Variants in PLEKHG1 observed in about 807,000 individuals in gnomAD.
PLEKHG1 encodes the protein pleckstrin homology and RhoGEF domain containing G1, also known as pleckstrin homology domain-containing family G member 1.
A neutral mutation model predicts 100.8 loss-of-function variants in PLEKHG1; 44 were observed. The observed-to-expected ratio is 0.44, with a 90% CI of 0.34 to 0.56. PLEKHG1 has a LOEUF of 0.56. PLEKHG1 is among the 20% of genes least tolerant of loss of function. The probability of loss-of-function intolerance (pLI) is 0.01; values close to 1 mark genes in which losing one functional copy is unlikely to be tolerated. For synonymous variants in PLEKHG1, 640 were observed against 662.5 expected (o/e 0.97, Z 0.52); for missense variants, 1,545 against 1,720.9 (o/e 0.90, Z 1.81).
chr6:150,800,592 C>CT, intron 5 of PLEKHG1, 127 bp from the exon 7 acceptor site: 2 of 840,970 alleles, frequency 2.4e-6, no homozygotes. Flanking sequence ...TAAAGGCATG[C>CT]TGATCTGACC....
chr6:150,687,582 G>A (rs1780182788), intron 3 of PLEKHG1, among the ~76,000 whole-genome samples: 2 of 152,104 alleles, frequency 1.3e-5, no homozygotes, highest in Admixed American at 6.5e-5. Context: ...GTTCTCTTCT[G>A]TCTGGACCTT....
chr6:150,840,701 G>C (rs764338959), exon 16 of PLEKHG1: 1 of 1,614,162 alleles, frequency 6.2e-7, no homozygotes, highest in South Asian at 1.1e-5. Flanking sequence ...GCAACACATT[G>C]CATTCTTTGA....
intron 10 of PLEKHG1, among the ~76,000 whole-genome samples, 172 bp downstream of exon 11, chr6:150,809,906 G>A (rs79240764): frequency 4.5e-4 from 47 of 104,878 alleles, no homozygotes; most frequent in Non-Finnish European, 7.5e-4. Flanking sequence ...AAAAAAAAAA[G>A]AGTTTAGAAT....
At chr6:150,671,687 AG>A (rs1416670407) in intron 3 of PLEKHG1, among the ~76,000 whole-genome samples, 2 of 152,240 alleles carry the variant, frequency 1.3e-5, no homozygotes, top group Non-Finnish European at 2.9e-5. Flanking sequence ...AATTGTGGTC[AG>A]TGCTATGAAT....
intron 1 of PLEKHG1, among the ~76,000 whole-genome samples, chr6:150,623,425 C>T (rs73002188): frequency 0.075 from 11,431 of 152,244 alleles, 535 homozygotes; most frequent in Non-Finnish European, 0.1. Context: ...TAACAAATGT[C>T]GCATGCCTTT....
At chr6:150,691,948 T>A (rs1780361537) in intron 3 of PLEKHG1, among the ~76,000 whole-genome samples, 1 of 152,258 alleles carries the variant, frequency 6.6e-6, no homozygotes, top group Non-Finnish European at 1.5e-5. Context: ...CAGCCTAGGC[T>A]TGAAGGAACA....
intron 1 of PLEKHG1, among the ~76,000 whole-genome samples, chr6:150,637,390 G>GT (rs1011910142): frequency 2.3e-3 from 330 of 144,550 alleles, no homozygotes; most frequent in East Asian, 3.0e-3. Flanking sequence ...TTGTTTTTGG[G>GT]TTTTTTTTTT....
intron 1 of PLEKHG1, among the ~76,000 whole-genome samples, chr6:150,632,096 G>A (rs1355945159): frequency 6.6e-6 from 1 of 152,148 alleles, no homozygotes; most frequent in Non-Finnish European, 1.5e-5. Context: ...GTAGCAAAAG[G>A]TCAACAGTTT....
At chr6:150,797,641 C>T (rs1159383828) in intron 5 of PLEKHG1, among the ~76,000 whole-genome samples, 1 of 151,722 alleles carries the variant, frequency 6.6e-6, no homozygotes, top group Non-Finnish European at 1.5e-5. Context: ...TTGAGACCAA[C>T]CCGGGCAATA....
intron 1 of PLEKHG1, among the ~76,000 whole-genome samples, chr6:150,614,013 T>C (rs1341686084): frequency 6.6e-6 from 1 of 152,184 alleles, no homozygotes; most frequent in East Asian, 1.9e-4. Flanking sequence ...ACACCTGAAA[T>C]GTATAATAGG....
At chr6:150,642,843 C>T (rs749744723) in intron 2 of PLEKHG1, among the ~76,000 whole-genome samples, 18 of 152,206 alleles carry the variant, frequency 1.2e-4, no homozygotes, top group Non-Finnish European at 2.1e-4. Context: ...CCTTCAAGAA[C>T]CTGATGTCTT....
intron 7 of PLEKHG1, among the ~76,000 whole-genome samples, chr6:150,807,851 C>T (rs1787228157): frequency 6.6e-6 from 1 of 152,146 alleles, no homozygotes. Flanking sequence ...TGCCTATAAT[C>T]CCAGCTACTT....
At chr6:150,670,796 A>G (rs1250515701) in intron 3 of PLEKHG1, among the ~76,000 whole-genome samples, 6 of 152,122 alleles carry the variant, frequency 3.9e-5, no homozygotes, top group African/African-American at 1.2e-4. Context: ...TGTTGTTGTT[A>G]TATGAGTAAG....
rs1777449136 is a variant in PLEKHG1, at chr6:150,840,191, GC to G, written c.3456del (p.Asn1153ThrfsTer36). 1 of 1,614,088 alleles carries G rather than the reference GC, an allele frequency of 6.2e-7. No homozygotes were observed. Among genetic ancestry groups the G allele is most frequent in the Admixed American group, 1.7e-5 (1 of 60,002 alleles). On this transcript the variant is annotated frameshift_variant, in exon 16 of 16. Transcript: ENST00000358517. LOFTEE classifies it low-confidence loss of function (END_TRUNC). ...AGAGATGCAGCGTGGTAGTAAGTCA[GC>G]CCAACAAAGAGAACTGGTGTCAGGA...
intron 14 of PLEKHG1, chr6:150,828,404 T>C (rs1776734443): frequency 6.4e-7 from 1 of 1,569,376 alleles, no homozygotes; most frequent in African/African-American, 1.4e-5. Context: ...TGCTATCCCA[T>C]GCCGAACTTT....
At chr6:150,797,773 TG>T (rs1418562485) in intron 5 of PLEKHG1, among the ~76,000 whole-genome samples, 2 of 128,670 alleles carry the variant, frequency 1.6e-5, no homozygotes, top group Non-Finnish European at 3.1e-5. Context: ...AGGCGGAGGT[TG>T]CAGTGAACTG....
At chr6:150,622,546 C>T (rs985064867) in intron 1 of PLEKHG1, among the ~76,000 whole-genome samples, 7 of 152,078 alleles carry the variant, frequency 4.6e-5, no homozygotes, top group Non-Finnish European at 8.8e-5. Flanking sequence ...GGGATGAACC[C>T]CAGAGCCCAC....
chr6:150,700,572 C>T (rs1248344078), intron 3 of PLEKHG1, among the ~76,000 whole-genome samples: 2 of 152,208 alleles, frequency 1.3e-5, no homozygotes, highest in Non-Finnish European at 2.9e-5. Context: ...GGCCCCCCTT[C>T]ACCCCCAAGT....
intron 3 of PLEKHG1, among the ~76,000 whole-genome samples, chr6:150,712,585 T>C (rs1781279470): frequency 6.6e-6 from 1 of 152,250 alleles, no homozygotes; most frequent in Non-Finnish European, 1.5e-5. Flanking sequence ...GTTACACTTG[T>C]TTCTTGACCT....
Sources: gnomAD v4.1 joint callset for allele counts (sites outside exome capture counted in the v4.1 genomes callset) on GRCh38, gnomAD v4.1.1 for gene constraint, MANE v1.5 for transcripts, NCBI Gene and HGNC (gene_info 2026-07-23, HGNC 2026-07-21) for gene names.